The following CAND2 variants were observed in gnomAD, a reference collection of about 807,000 sequenced individuals.
The protein encoded by CAND2 is cullin associated and neddylation dissociated 2 (putative), also known as cullin-associated NEDD8-dissociated protein 2.
Under a neutral mutation model 98.9 loss-of-function variants are expected in CAND2, and 62 were observed. The ratio of observed to expected loss-of-function variants is 0.63; its 90% CI spans 0.51 to 0.77. The LOEUF is 0.77. CAND2 is among the 30% of genes least tolerant of loss of function. The pLI is 0.00. For missense variants in CAND2, 1,501 were observed against 1,655.2 expected (o/e 0.91, Z 1.62); for synonymous variants, 770 against 731.9 (o/e 1.05, Z -0.84).
At chr3:12,810,027 CG>C in intron 4 of CAND2, 31 bp from the exon 5 acceptor site, 5 of 1,384,902 alleles carry the variant, frequency 3.6e-6, no homozygotes, top group Non-Finnish European at 4.7e-6. Context: ...CCGCGGAGTG[CG>C]ATCGGCCTGA....
chr3:12,829,145 A>G (rs1392489352), intron 13 of CAND2, among the ~76,000 whole-genome samples: 4 of 152,044 alleles, frequency 2.6e-5, no homozygotes, highest in Admixed American at 2.6e-4. Flanking sequence ...TTTATTTTTA[A>G]GTTTTTATTT....
rs73813565 is a variant in CAND2, at chr3:12,804,560, C to T, written c.212+929C>T. Among the ~76,000 whole-genome samples, 293 of 152,286 alleles carry T rather than the reference C, an allele frequency of 1.9e-3. 1 individual carries two copies. The highest frequency in any genetic ancestry group is 6.5e-3 in the African/African-American group (271 of 41,548). Reference sequence around the variant, plus strand: ...TCACTGTGAGGCTGTGATCCTGAGACGTTGGCCAGTTATCTCGAGTAGAAA... The same window carrying T: ...TCACTGTGAGGCTGTGATCCTGAGATGTTGGCCAGTTATCTCGAGTAGAAA... On this transcript the variant is annotated intron_variant, in intron 2 of 14. Transcript: ENST00000456430.
intron 14 of CAND2, chr3:12,832,448 C>T (rs2062061618): frequency 6.6e-6 from 1 of 152,184 alleles, no homozygotes; most frequent in African/African-American, 2.4e-5. Flanking sequence ...CCAGAACATT[C>T]TTGCAGTAAA....
rs2061838981 is a variant in CAND2, at chr3:12,810,113, A to G, written c.546A>G (p.Pro182=). 1 of 1,510,000 alleles carries G rather than the reference A, an allele frequency of 6.6e-7. No homozygotes were observed. Among genetic ancestry groups the G allele is most frequent in the Non-Finnish European group, 8.8e-7 (1 of 1,132,310 alleles). The allele number at this position is 1,510,000 out of a possible 1,614,324, so 93.5% of individuals were successfully genotyped here. ...CCAGCCTCCTGCACTGTCTGCTGCC[A>G]CAGCTGAGCAGCCCGCGCCTGGCGG... ...FHASLLHCLL[P]QLSSPRLAVR... The change falls in exon 5 of 15, where the codon CCA becomes CCG. Residue 182 remains proline (P), a synonymous_variant. Transcript: ENST00000456430.
intron 1 of CAND2, among the ~76,000 whole-genome samples, chr3:12,798,931 G>A (rs962443709): frequency 8.3e-5 from 11 of 132,770 alleles, no homozygotes; most frequent in African/African-American, 3.6e-4. Flanking sequence ...GGCAGCGACT[G>A]CAAATGGGGG....
rs777879738 is a variant in CAND2 at position 12,796,759 on chromosome 3, G to A, written c.39G>A (p.Glu13=). ...TAAFHISSLL[E]KMTSSDKDFR... ...CCTTCCACATCTCCAGCCTCCTGGAGAAGATGACGTCCAGCGACAAGGACT... is the reference window on the plus strand; with the variant it reads ...CCTTCCACATCTCCAGCCTCCTGGAAAAGATGACGTCCAGCGACAAGGACT... The change falls in exon 1 of 15, where the codon GAG becomes GAA. Residue 13 remains glutamate, a synonymous_variant. Transcript: ENST00000456430. 66 of 1,590,490 alleles carry A rather than the reference G, an allele frequency of 4.1e-5. 2 individuals are homozygous for A. The South Asian group carries it at 7.5e-4, about 18-fold the overall frequency.
At chr3:12,809,471 T>A (rs1355482358) in intron 4 of CAND2, among the ~76,000 whole-genome samples, 1 of 152,072 alleles carries the variant, frequency 6.6e-6, no homozygotes, top group Admixed American at 6.5e-5. Flanking sequence ...TTCTGTAAAG[T>A]GAGAAAGAAA....
intron 11 of CAND2, among the ~76,000 whole-genome samples, chr3:12,820,972 G>C (rs11712981): frequency 1.3e-5 from 2 of 152,152 alleles, no homozygotes; most frequent in Non-Finnish European, 2.9e-5. Flanking sequence ...GGTGGCTCTC[G>C]CCTGTAATCC....
At chr3:12,820,446 C>A (rs1377735784) in intron 11 of CAND2, among the ~76,000 whole-genome samples, 1 of 152,218 alleles carries the variant, frequency 6.6e-6, no homozygotes, top group African/African-American at 2.4e-5. Flanking sequence ...GCGTGAGAAA[C>A]TCTTATTATC....
At position 12,808,260 on chromosome 3, in the gene CAND2, A is replaced by C; in HGVS notation, c.418A>C (p.Ser140Arg). 1 of 1,551,416 alleles carries C rather than the reference A, an allele frequency of 6.4e-7. No homozygotes were observed. The highest frequency in any genetic ancestry group is 8.7e-7 in the Non-Finnish European group (1 of 1,146,968). The change falls in exon 4 of 15, where the codon AGT becomes CGT. Residue 140 changes from serine to arginine, a missense_variant. Ser to Arg is a moderately radical substitution (Grantham distance 110). Around this residue, in one of 3 missense-constraint regions of CAND2, gnomAD observed 1,427 missense variants for 1,545.3 expected, o/e 0.92. Coordinates refer to ENST00000456430, the MANE Select transcript of CAND2 (RefSeq NM_001162499.2). ...VCRKITGQLT[S>R]AIAQQEDVAV... ...CCGGAAGATCACAGGCCAGCTCACC[A>C]GTGCCATTGCCCAGCAGGAGGATGT...
At chr3:12,814,497 C>T (rs971793271) in intron 7 of CAND2, among the ~76,000 whole-genome samples, 1 of 152,180 alleles carries the variant, frequency 6.6e-6, no homozygotes, top group Non-Finnish European at 1.5e-5. Context: ...CCTTGACTTT[C>T]AGGGAGATTG....
Position 12,822,593 on chromosome 3 carries a change from C to G in CAND2, c.3040+2412C>G, listed in dbSNP as rs367706817. On this transcript the variant is annotated intron_variant, in intron 11 of 14. Transcript: ENST00000456430. ...GGATTCCAGACGTGAGCCCCCGTGC[C>G]CAGCCTCCATCATTCTCTTAAGTGT... is the stretch of plus-strand genomic sequence containing the variant. 5.9e-5 allele frequency among the ~76,000 whole-genome samples: 9 copies of G among 152,290 alleles called. No individual in the cohort carries two copies. The East Asian group carries it at 1.3e-3, about 23-fold the overall frequency.
At chr3:12,814,579 C>G (rs1197179901) in intron 7 of CAND2, among the ~76,000 whole-genome samples, 2 of 152,148 alleles carry the variant, frequency 1.3e-5, no homozygotes, top group Non-Finnish European at 2.9e-5. Context: ...GGAATCAGGA[C>G]CCTTGAGAGG....
At chr3:12,802,988 C>CGTTTTTT (rs1553636841) in intron 1 of CAND2, among the ~76,000 whole-genome samples, 2 of 127,408 alleles carry the variant, frequency 1.6e-5, no homozygotes, top group African/African-American at 3.0e-5. Flanking sequence ...CCATTAAAAT[C>CGTTTTTT]TTTTTTTTTT....
chr3:12,834,597 A>C lies in CAND2; in HGVS notation c.*615A>C, dbSNP rs2062084492. On this transcript the variant is annotated 3_prime_UTR_variant, in exon 15 of 15. Transcript: ENST00000456430. ...TGGACAGGCTTGGACCTCATGTTTC[A>C]TTTCTAATTTCAAAATACTTATTAG... 6.6e-6 allele frequency: 1 copy of C among 152,458 alleles called. No individual in the cohort carries two copies. Among genetic ancestry groups the C allele is most frequent in the African/African-American group, 2.4e-5 (1 of 41,418 alleles). The allele number at this position is 152,458 out of a possible 1,614,324, so 9.4% of individuals were successfully genotyped here. A position where few individuals can be genotyped will look rare whatever the true frequency, so the allele number is the denominator to read the frequency against.
intron 11 of CAND2, among the ~76,000 whole-genome samples, chr3:12,820,603 T>TC (rs1019056790): frequency 2.6e-5 from 4 of 151,640 alleles, no homozygotes; most frequent in African/African-American, 9.7e-5. Flanking sequence ...GGAAGAGTGC[T>TC]CCCCCCGGCC....
chr3:12,796,926 C>G (rs2061730047), intron 1 of CAND2, 138 bp downstream of exon 1: 1 of 740,274 alleles, frequency 1.4e-6, no homozygotes. Context: ...TTAAGCTGCC[C>G]CCCTCCCCAC....
At position 12,831,729 on chromosome 3, in the gene CAND2, T is replaced by C. The variant is rs1009114249; in HGVS notation, c.3483+157T>C. On this transcript the variant is annotated intron_variant, in intron 14 of 14. Transcript: ENST00000456430. Reference sequence around the variant, plus strand: ...TCATTGCCCTATAAAGTACCTCTTATTATCATTGTATACACAGGGGAACAG... The same window carrying C: ...TCATTGCCCTATAAAGTACCTCTTACTATCATTGTATACACAGGGGAACAG... Among the ~76,000 whole-genome samples the C allele has an allele frequency of 5.9e-5, 9 of 152,362 alleles. 1 individual carries two copies. Among genetic ancestry groups the C allele is most frequent in the Admixed American group, 2.6e-4 (4 of 15,310 alleles).
In CAND2 at chr3:12,812,718, T is replaced by C. The variant is rs765670745; in HGVS notation, c.758-272T>C. 7.9e-5 allele frequency among the ~76,000 whole-genome samples: 12 copies of C among 152,238 alleles called. 1 individual carries two copies. The highest frequency in any genetic ancestry group is 1.5e-4 in the Non-Finnish European group (10 of 68,040). On this transcript the variant is annotated intron_variant, in intron 5 of 14. Transcript: ENST00000456430. ...CTAAGCTATTTATCATTATATAATT[T>C]ATCTTCACAAAATCTCTGCCCAGGA...
Sources: gnomAD v4.1 joint callset for allele counts (sites outside exome capture counted in the v4.1 genomes callset) on GRCh38, gnomAD v4.1.1 for gene constraint, gnomAD v4.1.1 regional missense constraint, MANE v1.5 for transcripts, NCBI Gene and HGNC (gene_info 2026-07-23, HGNC 2026-07-21) for gene names.